The following LMO3 variants were observed in gnomAD, a reference collection of about 807,000 sequenced individuals.
The protein encoded by LMO3 is LIM domain only protein 3.
In LMO3, 2 loss-of-function variants were observed where a neutral mutation model predicts 15.8. That is an observed-to-expected ratio of 0.13 (90% CI 0.05 to 0.40). LMO3 has a LOEUF of 0.40. LMO3 is among the 10% of genes least tolerant of loss of function. The pLI is 0.99. For missense variants in LMO3, 86 were observed against 182.2 expected, an observed-to-expected ratio of 0.47 and a Z score of 3.04; for synonymous variants, 62 against 63.8, an observed-to-expected ratio of 0.97 and a Z score of 0.13.
At chr12:16,556,474 T>G (rs771150158) in intron 3 of LMO3, among the ~76,000 whole-genome samples, 3 of 152,190 alleles carry the variant, frequency 2.0e-5, no homozygotes, top group Non-Finnish European at 4.4e-5. Flanking sequence ...TTTTAAAACA[T>G]TCAGAAATGC....
Position 16,584,496 on chromosome 12 carries a change from T to C in LMO3, c.206+16159A>G, listed in dbSNP as rs139955042. On this transcript the variant is annotated intron_variant, in intron 2 of 3. Transcript: ENST00000537304. The surrounding 1 kb of genome is among the most constrained non-coding windows in gnomAD (Gnocchi z 5.2). Reference sequence around the variant, plus strand: ...TCTGGAGGACCCAGTGGAAAAGTGTTGAGTGAACGTAACAGCAGAAATATA... The same window carrying C: ...TCTGGAGGACCCAGTGGAAAAGTGTCGAGTGAACGTAACAGCAGAAATATA... Among the ~76,000 whole-genome samples, 1,351 of 152,196 alleles carry C rather than the reference T, an allele frequency of 8.9e-3. 15 individuals are homozygous for C. The highest frequency in any genetic ancestry group is 0.031 in the Middle Eastern group (9 of 294).
chr12:16,594,015 T>A, intron 2 of LMO3: 1 of 814,758 alleles, frequency 1.2e-6, no homozygotes, highest in South Asian at 2.4e-5. Flanking sequence ...TGTAGTTTTA[T>A]AAAAGTTGTC....
chr12:16,558,674 C>T (rs1010214870), intron 3 of LMO3, among the ~76,000 whole-genome samples: 1 of 152,098 alleles, frequency 6.6e-6, no homozygotes, highest in Non-Finnish European at 1.5e-5. Context: ...TAACATCTTA[C>T]ATGACTGTCT....
chr12:16,571,141 T>G (rs1292624409), intron 2 of LMO3, among the ~76,000 whole-genome samples: 1 of 152,120 alleles, frequency 6.6e-6, no homozygotes, highest in Non-Finnish European at 1.5e-5. Flanking sequence ...TGTTTTCTTT[T>G]AAGGTAAGTA....
At chr12:16,606,025 A>C in intron 1 of LMO3, 41 bp downstream of exon 1, 2 of 598,538 alleles carry the variant, frequency 3.3e-6, no homozygotes, top group Non-Finnish European at 6.0e-6. Context: ...CACACACACC[A>C]CAAATAAGCC....
chr12:16,605,013 C>T, intron 1 of LMO3: 6 of 1,578,528 alleles, frequency 3.8e-6, no homozygotes, highest in Non-Finnish European at 5.1e-6. Context: ...CCTACACCGC[C>T]GAGGACCGAC....
intron 2 of LMO3, among the ~76,000 whole-genome samples, chr12:16,569,014 T>C (rs956260748): frequency 6.6e-6 from 1 of 152,214 alleles, no homozygotes; most frequent in Non-Finnish European, 1.5e-5. Context: ...TCTCATAATC[T>C]GAAATAGATG....
intron 2 of LMO3, among the ~76,000 whole-genome samples, chr12:16,562,416 T>C (rs1216437869): frequency 6.6e-6 from 1 of 152,234 alleles, no homozygotes; most frequent in Non-Finnish European, 1.5e-5. Context: ...AATTATTCAG[T>C]TTGTTCATAT....
In LMO3 at chr12:16,598,913, G is replaced by A; in HGVS notation, c.206+1742C>T. 1 of 315,162 alleles carries A rather than the reference G, an allele frequency of 3.2e-6. No homozygotes were observed. Among genetic ancestry groups the A allele is most frequent in the Non-Finnish European group, 6.4e-6 (1 of 156,328 alleles). The allele number at this position is 315,162 out of a possible 1,614,324, so 19.5% of individuals were successfully genotyped here. ...TGGTTTATTAAAACACCTTAACATT[G>A]CCCGGGCTATATAAACTCCTTATTT... On this transcript the variant is annotated intron_variant, in intron 2 of 3. Coordinates refer to ENST00000537304, the MANE Select transcript of LMO3 (RefSeq NM_018640.5). The surrounding 1 kb of genome is among the most constrained non-coding windows in gnomAD (Gnocchi z 4.3).
Position 16,606,082 on chromosome 12 carries a change from T to C in LMO3, c.-25A>G. On this transcript the variant is annotated 5_prime_UTR_variant, in exon 1 of 4. Transcript: ENST00000537304. ...TGCACTTACCTTCTCAATTAAGCGA[T>C]ACAGGGGGAGGCCGTTCAGTAAGCA... 1 of 457,412 alleles carries C rather than the reference T, an allele frequency of 2.2e-6. No homozygotes were observed. The highest frequency in any genetic ancestry group is 3.9e-6 in the Non-Finnish European group (1 of 254,256). 28.3% of individuals were successfully genotyped at this position (457,412 alleles called of 1,614,324 possible).
intron 3 of LMO3, among the ~76,000 whole-genome samples, chr12:16,554,208 T>TA (rs1942100500): frequency 6.6e-6 from 1 of 152,204 alleles, no homozygotes; most frequent in African/African-American, 2.4e-5. Flanking sequence ...CCTTATAAAA[T>TA]ATAGTGCTTA....
chr12:16,581,134 T>G (rs1465223651), intron 2 of LMO3, among the ~76,000 whole-genome samples: 1 of 152,190 alleles, frequency 6.6e-6, no homozygotes, highest in African/African-American at 2.4e-5. Context: ...GTGCTTGAGT[T>G]TGAATGATTG....
chr12:16,574,684 T>C (rs1172148293), intron 2 of LMO3, among the ~76,000 whole-genome samples: 1 of 152,124 alleles, frequency 6.6e-6, no homozygotes, highest in Non-Finnish European at 1.5e-5. Flanking sequence ...GCAAGACACA[T>C]AAAGAAGAAA....
rs138039741 is a variant in LMO3 at position 16,575,938 on chromosome 12, G to A, written c.207-15400C>T. Among the ~76,000 whole-genome samples the A allele has an allele frequency of 1.1e-3, 161 of 152,088 alleles. 1 individual carries two copies. Among genetic ancestry groups the A allele is most frequent in the African/African-American group, 3.6e-3 (151 of 41,470 alleles). The stretch of plus-strand genomic sequence containing the variant: ...TTCAATGCACGTAGAAATGAATGTC[G>A]GAACATTTGCAAGTCCCTCGAGCCA... On this transcript the variant is annotated intron_variant, in intron 2 of 3. Coordinates refer to ENST00000537304, the MANE Select transcript of LMO3 (RefSeq NM_018640.5).
chr12:16,559,300 T>C lies in LMO3; in HGVS notation c.332+1113A>G, dbSNP rs889118488. Among the ~76,000 whole-genome samples the C allele has an allele frequency of 6.6e-6, 1 of 152,204 alleles. No homozygotes were observed. The highest frequency in any genetic ancestry group is 2.4e-5 in the African/African-American group (1 of 41,452). ...TATCATATAAAACAGGTGCCAGTAG[T>C]ATATAGTTTTCACAGAAATAAAAAA... On this transcript the variant is annotated intron_variant, in intron 3 of 3. Transcript: ENST00000537304. This position sits in a 1 kb window ranked among gnomAD's most constrained non-coding sequence, Gnocchi z 4.1.
chr12:16,562,426 T>A (rs1011713948), intron 2 of LMO3, among the ~76,000 whole-genome samples: 1 of 152,236 alleles, frequency 6.6e-6, no homozygotes, highest in Non-Finnish European at 1.5e-5. Context: ...TTTGTTCATA[T>A]CTAATAAACA....
chr12:16,583,857 G>A (rs1820613767), intron 2 of LMO3, among the ~76,000 whole-genome samples: 1 of 152,128 alleles, frequency 6.6e-6, no homozygotes, highest in South Asian at 2.1e-4. Flanking sequence ...TAGTGGGCAG[G>A]AAAGATAGAA....
At chr12:16,605,914 G>T in intron 1 of LMO3, 152 bp downstream of exon 1, 2 of 1,281,404 alleles carry the variant, frequency 1.6e-6, no homozygotes, top group Non-Finnish European at 2.2e-6. Flanking sequence ...AGTGAAAGTT[G>T]CAGTGCGGAG....
chr12:16,578,182 TTAAC>T (rs1397997202), intron 2 of LMO3, among the ~76,000 whole-genome samples: 2 of 152,212 alleles, frequency 1.3e-5, no homozygotes, highest in African/African-American at 4.8e-5. Flanking sequence ...TTAGAAAATG[TTAAC>T]TAACTACCTA....
Sources: gnomAD v4.1 joint callset for allele counts (sites outside exome capture counted in the v4.1 genomes callset) on GRCh38, gnomAD v4.1.1 for gene constraint, Gnocchi (gnomAD v3.1) non-coding constraint, MANE v1.5 for transcripts, NCBI Gene and HGNC (gene_info 2026-07-23, HGNC 2026-07-21) for gene names.